MOCOS: variants seen among roughly 807,000 people sequenced by gnomAD.
MOCOS encodes the protein molybdenum cofactor sulfurase.
A neutral mutation model predicts 83.6 loss-of-function variants in MOCOS; 86 were observed. The observed-to-expected ratio is 1.03, with a 90% CI of 0.86 to 1.23. The LOEUF is 1.23. Ranked by LOEUF, MOCOS falls within the 50% of genes most tolerant of loss-of-function variation. MOCOS has a pLI of 0.00. For missense variants in MOCOS, 1,120 were observed against 1,126.9 expected (o/e 0.99, Z 0.09); for synonymous variants, 445 against 434.7 (o/e 1.02, Z -0.29).
chr18:36,255,600 C>T (rs2091638559), intron 11 of MOCOS, among the ~76,000 whole-genome samples: 1 of 152,100 alleles, frequency 6.6e-6, no homozygotes, highest in Non-Finnish European at 1.5e-5. Context: ...GGGATTGCAC[C>T]TCCCTTCTCT....
At chr18:36,236,342 C>T (rs1358185070) in intron 9 of MOCOS, among the ~76,000 whole-genome samples, 10 of 99,430 alleles carry the variant, frequency 1.0e-4, no homozygotes, top group African/African-American at 3.1e-4. Context: ...TTTCAGCTTT[C>T]TACATATGGC....
At chr18:36,230,605 A>G (rs576160032) in intron 9 of MOCOS, among the ~76,000 whole-genome samples, 24 of 152,320 alleles carry the variant, frequency 1.6e-4, no homozygotes, top group African/African-American at 5.5e-4. Context: ...GAGTGGCTTC[A>G]CTGTGCCAGG....
intron 4 of MOCOS, among the ~76,000 whole-genome samples, chr18:36,201,549 C>T (rs1447111492): frequency 6.8e-6 from 1 of 147,666 alleles, no homozygotes; most frequent in Non-Finnish European, 1.5e-5. Context: ...GTAATCTCAG[C>T]TGCTCAAGAG....
At position 36,260,086 on chromosome 18, in the gene MOCOS, C is replaced by T. The variant is rs762187103; in HGVS notation, c.2320C>T (p.Arg774Cys). 13 of 1,613,992 alleles carry T rather than the reference C, an allele frequency of 8.1e-6. No individual in the cohort carries two copies. The highest frequency in any genetic ancestry group is 3.3e-5 in the South Asian group (3 of 91,092). ...ELFSLKDLSL[R>C]FRANIIINGK... is the part of the protein sequence containing the mutation. ...ATTCTCACTGAAGGATCTCAGCTTG[C>T]GTTTTCGTGCCAATATTATTATCAA... The change falls in exon 13 of 15, where the codon CGT becomes TGT. Residue 774 changes from arginine to cysteine, a missense_variant. By Grantham distance (180) the Arg-to-Cys change is radical. Coordinates refer to ENST00000261326, the MANE Select transcript of MOCOS (RefSeq NM_017947.4).
At chr18:36,241,489 C>T (rs1436444395) in intron 9 of MOCOS, among the ~76,000 whole-genome samples, 1 of 152,196 alleles carries the variant, frequency 6.6e-6, no homozygotes, top group East Asian at 1.9e-4. Flanking sequence ...CTCCCATGGC[C>T]TTGGGCAGCT....
At chr18:36,204,815 A>C (rs935844421) in intron 5 of MOCOS, among the ~76,000 whole-genome samples, 1 of 151,776 alleles carries the variant, frequency 6.6e-6, no homozygotes, top group Non-Finnish European at 1.5e-5. Context: ...CAACATGGTG[A>C]AACTCCATCT....
chr18:36,242,921 A>T (rs1006054711), intron 9 of MOCOS, among the ~76,000 whole-genome samples: 3 of 152,058 alleles, frequency 2.0e-5, no homozygotes, highest in African/African-American at 7.2e-5. Context: ...ATTTGTTTCC[A>T]TTTGTTTGTG....
At chr18:36,232,830 T>C (rs1181352985) in intron 9 of MOCOS, among the ~76,000 whole-genome samples, 1 of 148,408 alleles carries the variant, frequency 6.7e-6, no homozygotes, top group Non-Finnish European at 1.5e-5. Flanking sequence ...ATTTCCTTCT[T>C]TTTTATGGCT....
At chr18:36,251,129 A>T in intron 10 of MOCOS, 30 bp from the exon 11 acceptor site, 1 of 1,600,302 alleles carries the variant, frequency 6.2e-7, no homozygotes, top group Non-Finnish European at 8.6e-7. Flanking sequence ...ACTATGTAAC[A>T]GTTCACTCTT....
chr18:36,241,636 C>T (rs1368351076), intron 9 of MOCOS, among the ~76,000 whole-genome samples: 2 of 152,228 alleles, frequency 1.3e-5, no homozygotes, highest in Non-Finnish European at 2.9e-5. Flanking sequence ...TGTGGGGACT[C>T]TGTGGAATCT....
At chr18:36,188,913 G>A (rs536078898) in intron 1 of MOCOS, among the ~76,000 whole-genome samples, 4 of 20,588 alleles carry the variant, frequency 1.9e-4, no homozygotes, top group South Asian at 3.2e-3. Context: ...CCCTTCTTTC[G>A]TATTCTCTCT....
At position 36,270,443 on chromosome 18, in the gene MOCOS, G is replaced by C. The variant is rs534210015; in HGVS notation, c.*1758G>C. 3 of 152,228 alleles carry C rather than the reference G, an allele frequency of 2.0e-5. No individual in the cohort carries two copies. Among genetic ancestry groups the C allele is most frequent in the Admixed American group, 2.0e-4 (3 of 15,294 alleles). 9.4% of individuals were successfully genotyped at this position (152,228 alleles called of 1,614,324 possible). ...AAAATTAGGTCACTTGCCCAGGTGC[G>C]GTGGCTCACACCTGTAATTCCAGCA... is the stretch of plus-strand genomic sequence containing the variant. On this transcript the variant is annotated 3_prime_UTR_variant, in exon 15 of 15. Transcript: ENST00000261326.
In MOCOS at chr18:36,187,699, G is replaced by T; in HGVS notation, c.142+18G>T. The T allele has an allele frequency of 7.9e-7, 1 of 1,261,224 alleles. No individual in the cohort carries two copies. The highest frequency in any genetic ancestry group is 1.0e-6 in the Non-Finnish European group (1 of 1,003,176). The allele number at this position is 1,261,224 out of a possible 1,614,324, so 78.1% of individuals were successfully genotyped here. A position where few individuals can be genotyped will look rare whatever the true frequency, so the allele number is the denominator to read the frequency against. On this transcript the variant is annotated intron_variant, in intron 1 of 14. Transcript: ENST00000261326. ...CCTGGCAGGTGAGGCGGGCGGGCAG[G>T]CTTGGGGGACACGAGGTTTCTGGAA... is the stretch of plus-strand genomic sequence containing the variant.
rs765434777 is a variant in MOCOS at position 36,187,526 on chromosome 18, G to T, written c.-14G>T. ...TTCCCGGGCCCGGCCGGCCTGGATG[G>T]ACTAGCCGGGGCCATGGCCGGCGCG... is the stretch of plus-strand genomic sequence containing the variant. On this transcript the variant is annotated 5_prime_UTR_variant, in exon 1 of 15. Coordinates refer to ENST00000261326, the MANE Select transcript of MOCOS (RefSeq NM_017947.4). The T allele has an allele frequency of 3.2e-6, 4 of 1,232,286 alleles. No individual in the cohort carries two copies. The highest frequency in any genetic ancestry group is 4.2e-5 in the Admixed American group (1 of 23,704). The allele number at this position is 1,232,286 out of a possible 1,614,324, so 76.3% of individuals were successfully genotyped here.
intron 9 of MOCOS, among the ~76,000 whole-genome samples, chr18:36,244,202 G>A (rs2091594657): frequency 6.6e-6 from 1 of 151,350 alleles, no homozygotes. Context: ...AGTTTTTTGA[G>A]GTGTGACCTT....
chr18:36,265,937 C>T (rs1342059740), intron 13 of MOCOS, among the ~76,000 whole-genome samples: 1 of 152,158 alleles, frequency 6.6e-6, no homozygotes, highest in African/African-American at 2.4e-5. Context: ...AACCATTTCT[C>T]TCCACTATAT....
At chr18:36,215,379 G>A (rs572658849) in intron 7 of MOCOS, 137 bp from the exon 8 acceptor site, 36 of 829,328 alleles carry the variant, frequency 4.3e-5, no homozygotes, top group African/African-American at 2.0e-4. Flanking sequence ...TGTCCCAGAC[G>A]CACAGCACAT....
rs2091462628 is a variant in MOCOS at position 36,213,416 on chromosome 18, C to G, written c.1269C>G (p.Phe423Leu). The change falls in exon 7 of 15, where the codon TTC becomes TTG. Residue 423 changes from phenylalanine (F) to leucine (L), a missense_variant. Transcript: ENST00000261326. ...ACATCCACCTGCGAACTGGCTGCTT[C>G]TGTAACACTGGGGCCTGCCAGAGGC... ...LYNIHLRTGC[F>L]CNTGACQRHL... The G allele has an allele frequency of 6.2e-7, 1 of 1,614,034 alleles. No homozygotes were observed. Among genetic ancestry groups the G allele is most frequent in the African/African-American group, 1.3e-5 (1 of 74,936 alleles).
At chr18:36,191,412 G>C (rs528386591) in intron 1 of MOCOS, among the ~76,000 whole-genome samples, 1 of 152,196 alleles carries the variant, frequency 6.6e-6, no homozygotes, top group Non-Finnish European at 1.5e-5. Flanking sequence ...CATGTCTTGT[G>C]TATCTTTCCA....
Sources: gnomAD v4.1 joint callset for allele counts (sites outside exome capture counted in the v4.1 genomes callset) on GRCh38, gnomAD v4.1.1 for gene constraint, MANE v1.5 for transcripts, NCBI Gene and HGNC (gene_info 2026-07-23, HGNC 2026-07-21) for gene names.